GREB1L: variants seen among roughly 807,000 people sequenced by gnomAD.
The protein encoded by GREB1L is GREB1-like protein.
GREB1L carries 17 observed loss-of-function variants against 200.8 expected under a neutral mutation model. The observed-to-expected ratio is 0.08, with a 90% CI of 0.06 to 0.13. The LOEUF (loss-of-function observed/expected upper bound fraction) is 0.13, where lower values mean the gene tolerates loss of function less well. GREB1L is among the 10% of genes least tolerant of loss of function. The pLI is 1.00. For synonymous variants in GREB1L, 789 were observed against 893.0 expected (o/e 0.88, Z 2.08); for missense variants, 1,657 against 2,367.7 (o/e 0.70, Z 6.23).
In GREB1L at chr18:21,452,208, C is replaced by G. The variant is rs1208372191; in HGVS notation, c.1975C>G (p.Gln659Glu). Residue 659 changes from glutamine to glutamate, a missense_variant, in exon 14 of 33, where the codon CAA becomes GAA. By Grantham distance (29) the Gln-to-Glu change is conservative. Transcript: ENST00000424526. Reference sequence around the variant, plus strand: ...GGAGGCTGCTGCTATGATTCCCACACAAAACCTGGGTAATGTCATCTCAGA... The same window carrying G: ...GGAGGCTGCTGCTATGATTCCCACAGAAAACCTGGGTAATGTCATCTCAGA... ...PQEAAAMIPT[Q>E]NLDLDNETFH... is the part of the protein sequence containing the mutation. 16 of 1,551,434 alleles carry G rather than the reference C, an allele frequency of 1.0e-5. No individual in the cohort carries two copies. The highest frequency in any genetic ancestry group is 1.4e-5 in the Non-Finnish European group (16 of 1,146,864).
chr18:21,509,291 C>T (rs945893274), intron 27 of GREB1L, among the ~76,000 whole-genome samples: 1 of 152,232 alleles, frequency 6.6e-6, no homozygotes, highest in Non-Finnish European at 1.5e-5. Context: ...CGCTGCAGTT[C>T]TAAACAGTTT....
intron 1 of GREB1L, among the ~76,000 whole-genome samples, chr18:21,337,679 G>A (rs572674477): frequency 2.6e-4 from 39 of 152,278 alleles, no homozygotes; most frequent in Non-Finnish European, 4.4e-4. Context: ...CAGACAGTGA[G>A]AGGTCTTTTT....
intron 27 of GREB1L, among the ~76,000 whole-genome samples, chr18:21,510,214 A>C (rs79279058): frequency 3.0e-5 from 4 of 134,312 alleles, no homozygotes; most frequent in Non-Finnish European, 6.4e-5. Flanking sequence ...AACTGTCTCC[A>C]AAAAAAAAAA....
chr18:21,482,851 A>T (rs1459210000), intron 17 of GREB1L, among the ~76,000 whole-genome samples: 2 of 152,088 alleles, frequency 1.3e-5, no homozygotes, highest in African/African-American at 4.8e-5. Context: ...GCCTTATGAG[A>T]AGGGACATTC....
intron 1 of GREB1L, among the ~76,000 whole-genome samples, chr18:21,354,751 G>T (rs1369280922): frequency 6.6e-6 from 1 of 152,146 alleles, no homozygotes; most frequent in African/African-American, 2.4e-5. Flanking sequence ...AGTAAAAGAT[G>T]GGGTGGGTGG....
chr18:21,333,310 G>A (rs559376050), intron 1 of GREB1L, among the ~76,000 whole-genome samples: 148 of 152,224 alleles, frequency 9.7e-4, no homozygotes, highest in African/African-American at 3.5e-3. Context: ...TTTATGTTAT[G>A]TATAATGTAT....
intron 7 of GREB1L, among the ~76,000 whole-genome samples, chr18:21,434,116 T>A (rs2033354491): frequency 6.6e-6 from 1 of 152,168 alleles, no homozygotes; most frequent in African/African-American, 2.4e-5. Flanking sequence ...TTTCAGTGAG[T>A]TGGTTTGCAT....
intron 1 of GREB1L, among the ~76,000 whole-genome samples, chr18:21,313,821 G>A (rs940043266): frequency 2.0e-5 from 3 of 152,102 alleles, no homozygotes; most frequent in Admixed American, 2.0e-4. Context: ...AAAGTACTTG[G>A]CTCAGGTTTA....
intron 1 of GREB1L, among the ~76,000 whole-genome samples, chr18:21,293,140 T>C (rs796785411): frequency 5.3e-4 from 80 of 152,268 alleles, no homozygotes; most frequent in African/African-American, 1.9e-3. Flanking sequence ...AAATGAGTGA[T>C]TTTGCAGCTC....
At chr18:21,379,077 A>G (rs956588018) in intron 2 of GREB1L, among the ~76,000 whole-genome samples, 1 of 152,064 alleles carries the variant, frequency 6.6e-6, no homozygotes, top group Non-Finnish European at 1.5e-5. Context: ...TCTGTTGTTT[A>G]TATATGTTCT....
intron 15 of GREB1L, among the ~76,000 whole-genome samples, chr18:21,457,988 G>C (rs561910084): frequency 3.3e-4 from 41 of 124,686 alleles, no homozygotes; most frequent in African/African-American, 1.3e-3. Flanking sequence ...TTTTTTTTGA[G>C]GCCGAGTTTT....
At chr18:21,431,487 A>G (rs552608528) in intron 7 of GREB1L, among the ~76,000 whole-genome samples, 1 of 152,240 alleles carries the variant, frequency 6.6e-6, no homozygotes, top group Non-Finnish European at 1.5e-5. Flanking sequence ...AATGTATTTT[A>G]TATGATTTTA....
At chr18:21,347,848 TC>T (rs1880428081) in intron 1 of GREB1L, among the ~76,000 whole-genome samples, 1 of 118,014 alleles carries the variant, frequency 8.5e-6, no homozygotes, top group Non-Finnish European at 1.7e-5. Context: ...CTCACTGCAA[TC>T]CCCGCCTCCC....
intron 7 of GREB1L, among the ~76,000 whole-genome samples, chr18:21,405,309 C>T (rs2030054495): frequency 6.6e-6 from 1 of 152,204 alleles, no homozygotes; most frequent in Non-Finnish European, 1.5e-5. Flanking sequence ...GCATGTCTCT[C>T]TTAGAATATC....
chr18:21,267,126 G>T (rs1004324500), intron 1 of GREB1L, among the ~76,000 whole-genome samples: 5 of 149,786 alleles, frequency 3.3e-5, no homozygotes, highest in Non-Finnish European at 5.9e-5. Flanking sequence ...TAGAGACAGG[G>T]TTTCACTATG....
intron 7 of GREB1L, among the ~76,000 whole-genome samples, chr18:21,419,451 CT>C (rs2031954393): frequency 6.6e-6 from 1 of 152,020 alleles, no homozygotes; most frequent in Non-Finnish European, 1.5e-5. Flanking sequence ...GGACAACTGA[CT>C]TTTTGTTTTT....
intron 7 of GREB1L, among the ~76,000 whole-genome samples, chr18:21,411,972 G>A (rs2031081767): frequency 6.7e-6 from 1 of 148,788 alleles, no homozygotes; most frequent in Non-Finnish European, 1.5e-5. Context: ...GTGAACCCGG[G>A]AAGCGGAGCT....
chr18:21,319,867 C>G (rs572216502), intron 1 of GREB1L, among the ~76,000 whole-genome samples: 1 of 152,294 alleles, frequency 6.6e-6, no homozygotes, highest in African/African-American at 2.4e-5. Context: ...AATGCAAGAG[C>G]TTCCCCAGAG....
At chr18:21,274,145 T>C (rs2038123759) in intron 1 of GREB1L, among the ~76,000 whole-genome samples, 1 of 152,182 alleles carries the variant, frequency 6.6e-6, no homozygotes, top group Non-Finnish European at 1.5e-5. Context: ...TAAGGGTCCA[T>C]TTCTTGATTC....
Sources: allele counts gnomAD v4.1 joint callset (sites outside exome capture counted in the v4.1 genomes callset), GRCh38; gene constraint gnomAD v4.1.1; transcripts MANE v1.5; gene names NCBI Gene and HGNC (gene_info 2026-07-23, HGNC 2026-07-21).